TTLL11: variants seen among roughly 807,000 people sequenced by gnomAD.
TTLL11 encodes the protein tubulin polyglutamylase TTLL11.
TTLL11 carries 42 observed loss-of-function variants against 51.7 expected under a neutral mutation model. That is an observed-to-expected ratio of 0.81 (90% confidence interval 0.64 to 1.05). The LOEUF (loss-of-function observed/expected upper bound fraction) is 1.05. Ranked by LOEUF, TTLL11 falls within the 50% of genes least tolerant of loss-of-function variation. TTLL11 has a pLI of 0.00. For synonymous variants in TTLL11, 381 were observed against 383.5 expected (o/e 0.99, Z 0.08); for missense variants, 799 against 940.4 (o/e 0.85, Z 1.97).
At chr9:121,878,998 C>G (rs983591975) in intron 6 of TTLL11, among the ~76,000 whole-genome samples, 1 of 152,138 alleles carries the variant, frequency 6.6e-6, no homozygotes, top group Non-Finnish European at 1.5e-5. Context: ...AGCTGTGTGA[C>G]CTTGGGCAAG....
intron 6 of TTLL11, among the ~76,000 whole-genome samples, chr9:121,918,957 C>T (rs901658874): frequency 1.3e-5 from 2 of 152,210 alleles, no homozygotes; most frequent in Non-Finnish European, 2.9e-5. Flanking sequence ...GATGGTTACC[C>T]GTGGGGCTAG....
intron 8 of TTLL11, among the ~76,000 whole-genome samples, 166 bp from the exon 9 acceptor site, chr9:121,823,045 C>A (rs1403991968): frequency 1.3e-5 from 2 of 152,254 alleles, no homozygotes; most frequent in African/African-American, 4.8e-5. Context: ...AGAGTGCCCA[C>A]TGTGCCCACC....
intron 3 of TTLL11, among the ~76,000 whole-genome samples, chr9:122,028,023 G>A (rs1189849707): frequency 1.3e-5 from 2 of 152,144 alleles, no homozygotes; most frequent in Non-Finnish European, 1.5e-5. Context: ...GCTGTAAGGC[G>A]CTAATATGTT....
chr9:121,923,024 G>T (rs1258266996), intron 6 of TTLL11, among the ~76,000 whole-genome samples: 1 of 152,182 alleles, frequency 6.6e-6, no homozygotes, highest in Non-Finnish European at 1.5e-5. Context: ...AGGTGAAGGG[G>T]CACGCATGGG....
At chr9:121,914,627 G>A (rs1334559671) in intron 6 of TTLL11, among the ~76,000 whole-genome samples, 1 of 152,156 alleles carries the variant, frequency 6.6e-6, no homozygotes, top group Non-Finnish European at 1.5e-5. Context: ...TCCATGAAGA[G>A]CCTCAAGAGC....
chr9:121,851,320 C>T (rs993261701), intron 8 of TTLL11, among the ~76,000 whole-genome samples: 7 of 152,174 alleles, frequency 4.6e-5, no homozygotes, highest in Non-Finnish European at 7.3e-5. Flanking sequence ...ATGCAAACTA[C>T]AGACTTGAGT....
At chr9:121,932,797 T>C (rs1841044518) in intron 6 of TTLL11, among the ~76,000 whole-genome samples, 1 of 151,956 alleles carries the variant, frequency 6.6e-6, no homozygotes. Flanking sequence ...CGAGAAAAGA[T>C]GATGTACCAT....
At chr9:122,013,492 A>G (rs1843876540) in intron 3 of TTLL11, among the ~76,000 whole-genome samples, 2 of 152,232 alleles carry the variant, frequency 1.3e-5, no homozygotes, top group South Asian at 4.1e-4. Flanking sequence ...AATGGCGGCA[A>G]GGGCAACAGT....
intron 3 of TTLL11, among the ~76,000 whole-genome samples, chr9:121,997,202 A>G (rs1319476245): frequency 6.6e-6 from 1 of 150,950 alleles, no homozygotes; most frequent in Admixed American, 6.6e-5. Context: ...AAGCCTCTCT[A>G]GAACACGCCC....
At position 121,989,558 on chromosome 9, in the gene TTLL11, G is replaced by A. The variant is rs574736424; in HGVS notation, c.906C>T (p.Val302=). 42 of 1,614,046 alleles carry A rather than the reference G, an allele frequency of 2.6e-5. No individual in the cohort carries two copies. Among genetic ancestry groups the A allele is most frequent in the Admixed American group, 8.3e-5 (5 of 59,998 alleles). ...CTAAGGGGTCTAAGGACTTGAGTAA[G>A]ACATACAGACGAATATCAAACTTGA... ...DKLKFDIRLY[V]LLKSLDPLEI... Residue 302 remains valine, a synonymous_variant, in exon 4 of 9, where the codon GTC becomes GTT. Transcript: ENST00000321582. The surrounding 1 kb of genome is among the most constrained non-coding windows in gnomAD (Gnocchi z 4.2).
In TTLL11 at chr9:121,821,011, G is replaced by T. The variant is rs1836562383; in HGVS notation, c.*1576C>A. Among the ~76,000 whole-genome samples, 1 of 151,868 alleles carries T rather than the reference G, an allele frequency of 6.6e-6. No individual in the cohort carries two copies. The highest frequency in any genetic ancestry group is 2.1e-4 in the South Asian group (1 of 4,808). On this transcript the variant is annotated 3_prime_UTR_variant, in exon 9 of 9. Coordinates refer to ENST00000321582, the MANE Select transcript of TTLL11 (RefSeq NM_001139442.2). The surrounding 1 kb of genome is among the most constrained non-coding windows in gnomAD (Gnocchi z 5.0). ...TCCTCTTTGAGAGGGTGAACTCCTG[G>T]CAGGAAGGAGCTCCAGGCAAGGATG...
At chr9:121,887,654 C>T (rs908529770) in intron 6 of TTLL11, among the ~76,000 whole-genome samples, 3 of 152,200 alleles carry the variant, frequency 2.0e-5, no homozygotes, top group African/African-American at 7.2e-5. Context: ...GATAGAGAGA[C>T]GGCCAGAAGG....
chr9:122,050,831 T>C (rs73662576), intron 1 of TTLL11, among the ~76,000 whole-genome samples: 4,810 of 152,280 alleles, frequency 0.032, 189 homozygotes, highest in Admixed American at 0.11. Flanking sequence ...GTGAGTGAGC[T>C]TGGAAGTGGA....
intron 8 of TTLL11, among the ~76,000 whole-genome samples, chr9:121,825,088 G>A (rs780503680): frequency 3.3e-5 from 5 of 152,180 alleles, no homozygotes; most frequent in Non-Finnish European, 2.9e-5. Context: ...TGTAAACAGC[G>A]GCCTGGGATG....
At position 121,819,354 on chromosome 9, in the gene TTLL11, C is replaced by T. The variant is rs1836505212; in HGVS notation, c.*3233G>A. 1 of 152,332 alleles carries T rather than the reference C, an allele frequency of 6.6e-6. No individual in the cohort carries two copies. The highest frequency in any genetic ancestry group is 1.5e-5 in the Non-Finnish European group (1 of 68,234). The allele number at this position is 152,332 out of a possible 1,614,324, so 9.4% of individuals were successfully genotyped here. The stretch of plus-strand genomic sequence containing the variant: ...GCAAGGAGGCTGCCCCGGGGCACAC[C>T]CAAAGAAAGGGTAGGTGGGCCCAGT... On this transcript the variant is annotated 3_prime_UTR_variant, in exon 9 of 9. Transcript: ENST00000321582.
intron 3 of TTLL11, among the ~76,000 whole-genome samples, chr9:122,011,623 C>T (rs1843793060): frequency 6.6e-6 from 1 of 151,974 alleles, no homozygotes; most frequent in African/African-American, 2.4e-5. Context: ...GAAATACACA[C>T]AGAAGTGGTT....
intron 7 of TTLL11, among the ~76,000 whole-genome samples, chr9:121,865,317 G>T (rs147654904): frequency 6.6e-6 from 1 of 152,180 alleles, no homozygotes; most frequent in Non-Finnish European, 1.5e-5. Flanking sequence ...AGTGGAAGGG[G>T]AAAGGGGAAA....
intron 6 of TTLL11, among the ~76,000 whole-genome samples, chr9:121,895,505 T>C (rs1408121475): frequency 6.6e-6 from 1 of 151,080 alleles, no homozygotes; most frequent in East Asian, 1.9e-4. Context: ...TTGTGTGTAG[T>C]TTTGTGTTTG....
intron 3 of TTLL11, among the ~76,000 whole-genome samples, chr9:121,991,619 G>A (rs1228696394): frequency 6.6e-6 from 1 of 152,160 alleles, no homozygotes; most frequent in African/African-American, 2.4e-5. Flanking sequence ...GACACTAACA[G>A]TTCAATATAT....
Sources: allele counts gnomAD v4.1 joint callset (sites outside exome capture counted in the v4.1 genomes callset), GRCh38; gene constraint gnomAD v4.1.1; non-coding constraint Gnocchi (gnomAD v3.1); transcripts MANE v1.5; gene names NCBI Gene and HGNC (gene_info 2026-07-23, HGNC 2026-07-21).